MYO16: variants seen among roughly 807,000 people sequenced by gnomAD.
MYO16 encodes the protein unconventional myosin-XVI.
In MYO16, 94 loss-of-function variants were observed where a neutral mutation model predicts 205.3. The ratio of observed to expected loss-of-function variants is 0.46; its 90% CI spans 0.39 to 0.54. The LOEUF is 0.54. Among genes scored for constraint, MYO16 ranks in the 20% least tolerant of loss-of-function variants. The pLI is 0.00. For synonymous variants in MYO16, 988 were observed against 954.0 expected (o/e 1.04, Z -0.66); for missense variants, 2,315 against 2,387.5 (o/e 0.97, Z 0.63).
At chr13:108,690,619 C>A (rs184745034) in intron 2 of MYO16, among the ~76,000 whole-genome samples, 92 of 152,074 alleles carry the variant, frequency 6.0e-4, no homozygotes, top group African/African-American at 1.9e-3. Flanking sequence ...ACTTAAATTT[C>A]TGTTTTAAAG....
At chr13:108,682,849 T>A (rs1381353719) in intron 2 of MYO16, among the ~76,000 whole-genome samples, 1 of 152,142 alleles carries the variant, frequency 6.6e-6, no homozygotes, top group Non-Finnish European at 1.5e-5. Flanking sequence ...GGACTGATAG[T>A]GGAAGAATGT....
At chr13:108,776,312 G>A (rs984147530) in intron 4 of MYO16, among the ~76,000 whole-genome samples, 4 of 152,074 alleles carry the variant, frequency 2.6e-5, no homozygotes, top group Non-Finnish European at 5.9e-5. Context: ...GGAAACTAAG[G>A]CATAGATTAC....
intron 32 of MYO16, among the ~76,000 whole-genome samples, chr13:109,153,511 C>A (rs1363060786): frequency 1.3e-5 from 2 of 152,114 alleles, no homozygotes; most frequent in African/African-American, 4.8e-5. Flanking sequence ...CTCATCTCAA[C>A]ACTTTGGGAA....
At chr13:108,745,019 A>C (rs147955830) in intron 4 of MYO16, among the ~76,000 whole-genome samples, 1 of 152,228 alleles carries the variant, frequency 6.6e-6, no homozygotes, top group East Asian at 1.9e-4. Flanking sequence ...GTCACTGAAA[A>C]AAATAAATCT....
intron 1 of MYO16, among the ~76,000 whole-genome samples, chr13:108,640,781 G>A (rs984744495): frequency 4.6e-5 from 7 of 152,144 alleles, no homozygotes; most frequent in South Asian, 2.1e-4. Context: ...CTGGGATAAC[G>A]GTAACGACAA....
Position 108,806,737 on chromosome 13 carries a change from G to A in MYO16, c.800G>A (p.Gly267Asp), listed in dbSNP as rs1887126481. 18 of 1,613,132 alleles carry A rather than the reference G, an allele frequency of 1.1e-5. No individual in the cohort carries two copies. The highest frequency in any genetic ancestry group is 1.5e-5 in the Non-Finnish European group (18 of 1,179,218). The change falls in exon 7 of 35, where the codon GGT becomes GAT. Residue 267 changes from glycine (G) to aspartate (D), a missense_variant. Around this residue, in one of 3 missense-constraint regions of MYO16, gnomAD observed 1,213 missense variants for 1,274.4 expected, o/e 0.95. Coordinates refer to ENST00000457511, the MANE Select transcript of MYO16 (RefSeq NM_001198950.3). ...GTGGTGTCTCTTATCCTGGAACATG[G>A]TGGAGACCTCAACATAGTAGATGAT... ...KEVVSLILEHGGDLNIVDDQY... is the reference protein window; with the variant it reads ...KEVVSLILEHDGDLNIVDDQY...
the MYO16 span, among the ~76,000 whole-genome samples, chr13:108,519,831 G>C: frequency 6.6e-6 from 1 of 152,054 alleles, no homozygotes; most frequent in Non-Finnish European, 1.5e-5. Context: ...TTAGGAAAAG[G>C]AATTGAAATT....
intron 16 of MYO16, among the ~76,000 whole-genome samples, chr13:108,948,980 A>G (rs1159871580): frequency 6.6e-6 from 1 of 152,252 alleles, no homozygotes; most frequent in African/African-American, 2.4e-5. Context: ...TGTTGTCAGG[A>G]CAATAAACAA....
At position 109,059,360 on chromosome 13, in the gene MYO16, A is replaced by T. The variant is rs116244083; in HGVS notation, c.3335+3765A>T. 9.7e-3 allele frequency among the ~76,000 whole-genome samples: 1,473 copies of T among 152,320 alleles called. 26 individuals carry two copies. The highest frequency in any genetic ancestry group is 0.033 in the African/African-American group (1,369 of 41,582). On this transcript the variant is annotated intron_variant, in intron 27 of 34. Transcript: ENST00000457511. ...TTGATCCATGGGCTGCTGAATGGAT[A>T]CTGTGTTAGCAGGCATGAAAACAAC...
intron 23 of MYO16, among the ~76,000 whole-genome samples, chr13:109,038,606 A>G (rs1886787300): frequency 6.6e-6 from 1 of 152,052 alleles, no homozygotes; most frequent in South Asian, 2.1e-4. Flanking sequence ...AATAACTCAG[A>G]CTATATATAT....
intron 21 of MYO16, among the ~76,000 whole-genome samples, chr13:108,995,112 G>A (rs1401187361): frequency 1.3e-5 from 2 of 152,184 alleles, no homozygotes; most frequent in Non-Finnish European, 2.9e-5. Flanking sequence ...CTTAGAGGAG[G>A]TAATTGACAA....
At chr13:109,039,185 T>TA (rs1429808012) in intron 23 of MYO16, among the ~76,000 whole-genome samples, 1 of 152,144 alleles carries the variant, frequency 6.6e-6, no homozygotes, top group African/African-American at 2.4e-5. Flanking sequence ...GACAAGGCAG[T>TA]AGTGAGGCTG....
rs73616452 is a variant in MYO16, at chr13:108,959,703, G to A, written c.2038-1836G>A. Among the ~76,000 whole-genome samples the A allele has an allele frequency of 7.9e-3, 1,209 of 152,240 alleles. 7 individuals carry two copies. Among genetic ancestry groups the A allele is most frequent in the African/African-American group, 0.027 (1,108 of 41,552 alleles). On this transcript the variant is annotated intron_variant, in intron 17 of 34. Transcript: ENST00000457511. ...GATTGTGGTCCTGACAGATCTGTTCGTAACAGTGCCTCCAGCTCTCCCGTC... is the reference window on the plus strand; with the variant it reads ...GATTGTGGTCCTGACAGATCTGTTCATAACAGTGCCTCCAGCTCTCCCGTC...
chr13:109,092,196 G>A (rs1165712595), intron 27 of MYO16, among the ~76,000 whole-genome samples: 1 of 152,164 alleles, frequency 6.6e-6, no homozygotes, highest in Non-Finnish European at 1.5e-5. Context: ...GACATTTTCA[G>A]AGAAAGTGCA....
chr13:108,841,674 CAAAG>C (rs1296125924), intron 9 of MYO16, among the ~76,000 whole-genome samples: 1 of 151,348 alleles, frequency 6.6e-6, no homozygotes, highest in African/African-American at 2.4e-5. Flanking sequence ...AATCTGAAAA[CAAAG>C]AAACCAATAT....
At chr13:108,949,459 A>G (rs953880605) in intron 16 of MYO16, among the ~76,000 whole-genome samples, 2 of 152,220 alleles carry the variant, frequency 1.3e-5, no homozygotes, top group South Asian at 4.1e-4. Flanking sequence ...CTCCAGGAAA[A>G]TTAAATACTT....
intron 1 of MYO16, among the ~76,000 whole-genome samples, chr13:108,604,398 G>GA (rs1878875955): frequency 6.6e-6 from 1 of 152,074 alleles, no homozygotes; most frequent in African/African-American, 2.4e-5. Context: ...TGTAGTATTT[G>GA]AAAAAAGAAT....
chr13:108,589,192 T>C, the MYO16 span, among the ~76,000 whole-genome samples: 3 of 152,222 alleles, frequency 2.0e-5, no homozygotes, highest in Non-Finnish European at 4.4e-5. Context: ...TCAAGGGCCC[T>C]GGTTTGGATG....
chr13:108,908,550 A>G (rs971832823), intron 15 of MYO16, among the ~76,000 whole-genome samples: 1 of 152,206 alleles, frequency 6.6e-6, no homozygotes, highest in African/African-American at 2.4e-5. Context: ...GTTCAAATGT[A>G]TGAGATAATT....
Sources: allele counts gnomAD v4.1 joint callset (sites outside exome capture counted in the v4.1 genomes callset), GRCh38; gene constraint gnomAD v4.1.1; regional missense constraint gnomAD v4.1.1; transcripts MANE v1.5; gene names NCBI Gene and HGNC (gene_info 2026-07-23, HGNC 2026-07-21).